Variants in GLYATL2 observed in about 807,000 individuals in gnomAD.
GLYATL2 encodes the protein glycine N-acyltransferase-like protein 2.
Under a neutral mutation model 21.4 loss-of-function variants are expected in GLYATL2, and 25 were observed. The ratio of observed to expected loss-of-function variants is 1.17; its 90% CI spans 0.85 to 1.63. The LOEUF is 1.63. Among genes scored for constraint, GLYATL2 ranks in the 40% most tolerant of loss-of-function variants. The pLI, the probability that GLYATL2 is intolerant of heterozygous loss-of-function variation, is 0.00. For missense variants in GLYATL2, 361 were observed against 343.3 expected, an observed-to-expected ratio of 1.05 and a Z score of -0.41; for synonymous variants, 114 against 118.2, an observed-to-expected ratio of 0.96 and a Z score of 0.23.
chr11:58,891,438 G>A (rs964523142), intron 1 of GLYATL2, among the ~76,000 whole-genome samples: 1 of 152,150 alleles, frequency 6.6e-6, no homozygotes, highest in African/African-American at 2.4e-5. Context: ...TAAAGACATT[G>A]TCACTATTTG....
At chr11:58,838,032 C>A (rs1268164639) in intron 3 of GLYATL2, among the ~76,000 whole-genome samples, 7 of 152,148 alleles carry the variant, frequency 4.6e-5, no homozygotes, top group African/African-American at 1.7e-4. Context: ...AATAGATTGA[C>A]TGGGTGGAAT....
At chr11:58,907,468 C>G (rs373701966), upstream of GLYATL2, 23 of 308,386 alleles carry the variant, frequency 7.5e-5, no homozygotes, top group Non-Finnish European at 1.3e-4. Context: ...TCATGTATTT[C>G]GCTCTTTTTT....
upstream of GLYATL2, among the ~76,000 whole-genome samples, chr11:58,845,374 G>A (rs1284018033): frequency 1.3e-5 from 2 of 152,150 alleles, no homozygotes; most frequent in South Asian, 2.1e-4. Context: ...GCTCAGGCAG[G>A]AGGGTCGCTT....
At chr11:58,906,787 C>A (rs895175108), upstream of GLYATL2, among the ~76,000 whole-genome samples, 1 of 152,186 alleles carries the variant, frequency 6.6e-6, no homozygotes, top group Admixed American at 6.5e-5. Context: ...AGGTTACCTT[C>A]ATAGGTTCTG....
chr11:58,884,478 T>C (rs1444434684), intron 1 of GLYATL2, among the ~76,000 whole-genome samples: 1 of 152,164 alleles, frequency 6.6e-6, no homozygotes, highest in African/African-American at 2.4e-5. Context: ...TCAAAGAGAA[T>C]AAAATACCTA....
At chr11:58,905,703 G>T (rs1465217317), upstream of GLYATL2, 1 of 440,436 alleles carries the variant, frequency 2.3e-6, no homozygotes, top group Non-Finnish European at 4.6e-6. Context: ...TCGGGGGAGG[G>T]GATCGCTGGG....
chr11:58,909,540 C>T, the GLYATL2 span, among the ~76,000 whole-genome samples: 3 of 152,098 alleles, frequency 2.0e-5, no homozygotes, highest in Non-Finnish European at 4.4e-5. Flanking sequence ...TTCTGTATGT[C>T]TAAAACTAAT....
At chr11:58,908,161 A>G, upstream of GLYATL2, 1 of 152,174 alleles carries the variant, frequency 6.6e-6, no homozygotes, top group South Asian at 2.1e-4. Context: ...TTGGCCTCCC[A>G]CAACTCCCAG....
intron 1 of GLYATL2, among the ~76,000 whole-genome samples, chr11:58,889,224 A>G (rs1455138359): frequency 1.3e-5 from 2 of 151,910 alleles, no homozygotes; most frequent in African/African-American, 2.4e-5. Context: ...TGATTTCCAA[A>G]TATGTCACAC....
chr11:58,879,086 C>T (rs1854287771), intron 1 of GLYATL2, among the ~76,000 whole-genome samples: 1 of 152,038 alleles, frequency 6.6e-6, no homozygotes, highest in Non-Finnish European at 1.5e-5. Flanking sequence ...AACTTGATAG[C>T]TGGTGGGACT....
chr11:58,878,407 CT>C, intron 1 of GLYATL2: 1 of 554,382 alleles, frequency 1.8e-6, no homozygotes, highest in South Asian at 5.5e-5. Context: ...CATTTTGGAT[CT>C]TCACACATTT....
At chr11:58,857,939 A>G (rs1853861064) in intron 1 of GLYATL2, among the ~76,000 whole-genome samples, 1 of 150,786 alleles carries the variant, frequency 6.6e-6, no homozygotes, top group East Asian at 1.9e-4. Flanking sequence ...AACAAAAAAT[A>G]TCTTACTTGA....
At chr11:58,868,859 C>T (rs1390078103) in intron 1 of GLYATL2, among the ~76,000 whole-genome samples, 2 of 149,158 alleles carry the variant, frequency 1.3e-5, no homozygotes, top group African/African-American at 4.8e-5. Flanking sequence ...ACAGAAGGCT[C>T]TGCTCCTCTA....
chr11:58,837,443 C>A (rs1197084539), intron 3 of GLYATL2, 46 bp from the exon 4 acceptor site: 1 of 1,571,330 alleles, frequency 6.4e-7, no homozygotes, highest in Non-Finnish European at 8.7e-7. Flanking sequence ...CTACAATTTA[C>A]AAAATGTTCT....
intron 1 of GLYATL2, among the ~76,000 whole-genome samples, chr11:58,872,904 T>C (rs1344705450): frequency 6.6e-6 from 1 of 152,252 alleles, no homozygotes; most frequent in African/African-American, 2.4e-5. Flanking sequence ...ATATTGATTG[T>C]CCCTACCCAT....
chr11:58,897,002 G>A (rs1305711842), intron 1 of GLYATL2, among the ~76,000 whole-genome samples: 1 of 152,086 alleles, frequency 6.6e-6, no homozygotes, highest in Non-Finnish European at 1.5e-5. Flanking sequence ...ATGAACCCGG[G>A]CCAGTTTTAC....
At chr11:58,889,711 A>G (rs2134620291) in intron 1 of GLYATL2, among the ~76,000 whole-genome samples, 1 of 152,208 alleles carries the variant, frequency 6.6e-6, no homozygotes, top group African/African-American at 2.4e-5. Flanking sequence ...CCTTTCTAAA[A>G]CAAACTGTTC....
intron 1 of GLYATL2, among the ~76,000 whole-genome samples, chr11:58,875,396 A>C (rs1424475131): frequency 6.6e-6 from 1 of 152,144 alleles, no homozygotes; most frequent in African/African-American, 2.4e-5. Flanking sequence ...GATGGTCTTT[A>C]CAATTTGGCA....
At chr11:58,894,061 G>A (rs1424760872) in intron 1 of GLYATL2, among the ~76,000 whole-genome samples, 1 of 152,210 alleles carries the variant, frequency 6.6e-6, no homozygotes, top group African/African-American at 2.4e-5. Context: ...CCTCTGCTAT[G>A]GAAATGACAC....
Sources: gnomAD v4.1 joint callset for allele counts (sites outside exome capture counted in the v4.1 genomes callset) on GRCh38, gnomAD v4.1.1 for gene constraint, MANE v1.5 for transcripts, NCBI Gene and HGNC (gene_info 2026-07-23, HGNC 2026-07-21) for gene names.